KAZN: variants seen among roughly 807,000 people sequenced by gnomAD.
The protein encoded by KAZN is kazrin, periplakin interacting protein.
In KAZN, 40 loss-of-function variants were observed where a neutral mutation model predicts 87.4. That is an observed-to-expected ratio of 0.46 (90% CI 0.36 to 0.60). The LOEUF (loss-of-function observed/expected upper bound fraction) is 0.60. KAZN is among the 20% of genes least tolerant of loss of function. The pLI, the probability that KAZN is intolerant of heterozygous loss-of-function variation, is 0.00. For synonymous variants in KAZN, 466 were observed against 458.3 expected (o/e 1.02, Z -0.22); for missense variants, 898 against 1,073.9 (o/e 0.84, Z 2.29).
intron 2 of KAZN, among the ~76,000 whole-genome samples, chr1:14,547,665 C>T (rs1673241727): frequency 2.0e-5 from 3 of 152,136 alleles, no homozygotes; most frequent in Admixed American, 2.0e-4. Context: ...TCACTGCAAG[C>T]TCCGCATCCC....
In KAZN at chr1:14,352,730, TAGAC is replaced by T. The variant is rs202084960; in HGVS notation, c.249+172144_249+172147del. ...AGCTTACAAATACCTTTTCATCAAA[TAGAC>T]AGACAAATAAATGAAAAATTGCATC... On this transcript the variant is annotated intron_variant, in intron 2 of 16. Transcript: ENST00000636203. 5.0e-3 allele frequency among the ~76,000 whole-genome samples: 766 copies of T among 152,182 alleles called. 4 individuals are homozygous for T. The highest frequency in any genetic ancestry group is 4.5e-3 in the Non-Finnish European group (304 of 68,002).
intron 2 of KAZN, among the ~76,000 whole-genome samples, chr1:14,985,336 G>A (rs12046999): frequency 0.044 from 6,300 of 144,352 alleles, 234 homozygotes; most frequent in East Asian, 0.2. Flanking sequence ...TTGAGACCAG[G>A]TTGGGCAACA....
intron 2 of KAZN, among the ~76,000 whole-genome samples, chr1:14,974,945 A>G (rs901484115): frequency 6.6e-6 from 1 of 152,238 alleles, no homozygotes; most frequent in African/African-American, 2.4e-5. Context: ...TTTAAAACCA[A>G]TAAAGCTGTT....
chr1:15,091,919 T>G (rs1640548812), intron 8 of KAZN, among the ~76,000 whole-genome samples: 2 of 152,126 alleles, frequency 1.3e-5, no homozygotes, highest in Admixed American at 1.3e-4. Context: ...ACTATGAACA[T>G]TTGTGTAGAC....
intron 1 of KAZN, among the ~76,000 whole-genome samples, chr1:14,689,823 C>T (rs546418137): frequency 9.2e-5 from 14 of 152,176 alleles, no homozygotes; most frequent in Non-Finnish European, 1.6e-4. Flanking sequence ...CCTCAGATGG[C>T]AGGAGACCCG....
chr1:14,993,844 G>C (rs1003689318), intron 2 of KAZN, among the ~76,000 whole-genome samples: 1 of 152,196 alleles, frequency 6.6e-6, no homozygotes, highest in Non-Finnish European at 1.5e-5. Context: ...GAGCCGTAAT[G>C]ACCCGGATGT....
At chr1:14,942,399 G>T (rs754471847) in intron 1 of KAZN, among the ~76,000 whole-genome samples, 2 of 152,190 alleles carry the variant, frequency 1.3e-5, no homozygotes, top group African/African-American at 2.4e-5. Flanking sequence ...AGAGAGTAGG[G>T]CAGGAGAAGG....
chr1:15,105,515 C>G (rs1641264032), intron 13 of KAZN, among the ~76,000 whole-genome samples: 1 of 151,846 alleles, frequency 6.6e-6, no homozygotes, highest in South Asian at 2.1e-4. Flanking sequence ...CATATTCTCT[C>G]ACTCATTCAC....
intron 2 of KAZN, among the ~76,000 whole-genome samples, chr1:14,369,255 G>A (rs1660271536): frequency 6.6e-6 from 1 of 152,210 alleles, no homozygotes; most frequent in Non-Finnish European, 1.5e-5. Context: ...ACTGCTGTCT[G>A]GGTGGCAGAA....
intron 1 of KAZN, among the ~76,000 whole-genome samples, chr1:14,089,947 C>G (rs1643937553): frequency 6.6e-6 from 1 of 151,544 alleles, no homozygotes; most frequent in South Asian, 2.1e-4. Context: ...TGTCTTCTAG[C>G]TTACATAGCG....
intron 2 of KAZN, among the ~76,000 whole-genome samples, chr1:14,384,698 TG>T (rs1661705819): frequency 6.6e-6 from 1 of 151,876 alleles, no homozygotes; most frequent in African/African-American, 2.4e-5. Context: ...CTTTTTGATG[TG>T]CTGCTGGATT....
chr1:14,756,808 CAATT>C (rs754464344), intron 1 of KAZN, among the ~76,000 whole-genome samples: 1 of 151,946 alleles, frequency 6.6e-6, no homozygotes, highest in African/African-American at 2.4e-5. Context: ...GAAAGAAGAA[CAATT>C]AATCTCTTTG....
chr1:14,830,036 T>C (rs1199394573), intron 1 of KAZN, among the ~76,000 whole-genome samples: 1 of 152,144 alleles, frequency 6.6e-6, no homozygotes, highest in African/African-American at 2.4e-5. Flanking sequence ...GTAATCACAG[T>C]TAAGGGTGGG....
chr1:14,632,508 A>C (rs1264886639), intron 1 of KAZN, among the ~76,000 whole-genome samples: 1 of 151,918 alleles, frequency 6.6e-6, no homozygotes, highest in Non-Finnish European at 1.5e-5. Context: ...TTATGGTAGA[A>C]GTTCTAAACT....
At chr1:14,204,743 C>T (rs914728163) in intron 2 of KAZN, among the ~76,000 whole-genome samples, 3 of 152,164 alleles carry the variant, frequency 2.0e-5, no homozygotes, top group African/African-American at 7.2e-5. Flanking sequence ...CTAATTTCTG[C>T]CCAGGCATGT....
At chr1:14,992,460 A>G (rs971270303) in intron 2 of KAZN, among the ~76,000 whole-genome samples, 3 of 152,102 alleles carry the variant, frequency 2.0e-5, no homozygotes, top group Non-Finnish European at 4.4e-5. Context: ...TTCGATGAGG[A>G]CCTGGGGTCC....
upstream of KAZN, chr1:14,598,669 G>T: frequency 7.9e-7 from 1 of 1,263,328 alleles, no homozygotes; most frequent in Non-Finnish European, 9.9e-7. This position sits in a 1 kb window ranked among gnomAD's most constrained non-coding sequence, Gnocchi z 4.2. Flanking sequence ...AAGAGTGCCT[G>T]GTGGCGCGCG....
At chr1:14,547,915 C>G (rs2148506188) in intron 2 of KAZN, among the ~76,000 whole-genome samples, 1 of 151,988 alleles carries the variant, frequency 6.6e-6, no homozygotes, top group South Asian at 2.1e-4. Flanking sequence ...TCCATGCAAC[C>G]ACTACCAAAG....
Position 15,104,012 on chromosome 1 carries a change from T to C in KAZN, c.1882-11T>C. ...CCTGCAGGCTAACAAGTCCCCTGCC[T>C]TTGCCCCCAGGAGTACGCAGACAAC... is the stretch of plus-strand genomic sequence containing the variant. On this transcript the variant is annotated splice_polypyrimidine_tract_variant and intron_variant, in intron 12 of 14. Transcript: ENST00000376030. 1 of 1,611,720 alleles carries C rather than the reference T, an allele frequency of 6.2e-7. No individual in the cohort carries two copies. Among genetic ancestry groups the C allele is most frequent in the Non-Finnish European group, 8.5e-7 (1 of 1,178,632 alleles).
Sources: gnomAD v4.1 joint callset for allele counts (sites outside exome capture counted in the v4.1 genomes callset) on GRCh38, gnomAD v4.1.1 for gene constraint, Gnocchi (gnomAD v3.1) non-coding constraint, MANE v1.5 for transcripts, NCBI Gene and HGNC (gene_info 2026-07-23, HGNC 2026-07-21) for gene names.